BMPR1B: variants seen among roughly 807,000 people sequenced by gnomAD.
The protein encoded by BMPR1B is bone morphogenetic protein receptor type 1B.
BMPR1B carries 12 observed loss-of-function variants against 59.1 expected under a neutral mutation model. The observed-to-expected ratio is 0.20, with a 90% CI of 0.13 to 0.33. The LOEUF is 0.33. Ranked by LOEUF, BMPR1B falls within the 10% of genes least tolerant of loss-of-function variation. BMPR1B has a pLI of 1.00. For missense variants in BMPR1B, 550 were observed against 610.9 expected (o/e 0.90, Z 1.05); for synonymous variants, 237 against 207.3 (o/e 1.14, Z -1.23).
intron 6 of BMPR1B, among the ~76,000 whole-genome samples, chr4:95,120,739 GTC>G (rs1560669578): frequency 1.5e-5 from 2 of 135,924 alleles, no homozygotes; most frequent in African/African-American, 2.8e-5. Flanking sequence ...CTTTCTGTCT[GTC>G]TCTCTCTTTC....
intron 2 of BMPR1B, among the ~76,000 whole-genome samples, chr4:94,900,368 A>G (rs1426845144): frequency 6.6e-6 from 1 of 151,950 alleles, no homozygotes; most frequent in Admixed American, 6.6e-5. Context: ...CCTAACAGAA[A>G]TAAGTTTTAA....
At chr4:94,780,862 G>A (rs1057107131) in intron 1 of BMPR1B, among the ~76,000 whole-genome samples, 1 of 151,586 alleles carries the variant, frequency 6.6e-6, no homozygotes, top group Non-Finnish European at 1.5e-5. Context: ...CTAATTTTTT[G>A]TATTTTTAGT....
chr4:94,812,181 C>T (rs77338236), intron 1 of BMPR1B, among the ~76,000 whole-genome samples: 2,552 of 148,414 alleles, frequency 0.017, 66 homozygotes, highest in African/African-American at 0.062. Flanking sequence ...ACCTAGTCCT[C>T]CAAAATTTAA....
At chr4:95,005,467 C>T (rs139114362) in intron 3 of BMPR1B, among the ~76,000 whole-genome samples, 38 of 152,240 alleles carry the variant, frequency 2.5e-4, no homozygotes, top group Admixed American at 2.1e-3. Flanking sequence ...GGCAGTTCAA[C>T]AAACAGGCTG....
At chr4:94,791,464 A>G (rs1451950331) in intron 1 of BMPR1B, among the ~76,000 whole-genome samples, 2 of 152,218 alleles carry the variant, frequency 1.3e-5, no homozygotes, top group African/African-American at 4.8e-5. Flanking sequence ...ACATAAGGAA[A>G]AGTTATGTCT....
intron 3 of BMPR1B, among the ~76,000 whole-genome samples, chr4:95,007,116 C>G (rs1722900226): frequency 6.6e-6 from 1 of 152,008 alleles, no homozygotes. Context: ...TGTAACTCTA[C>G]CAGGGTTTCT....
At chr4:95,118,686 A>G (rs1732249914) in intron 6 of BMPR1B, among the ~76,000 whole-genome samples, 1 of 152,182 alleles carries the variant, frequency 6.6e-6, no homozygotes, top group South Asian at 2.1e-4. Context: ...TTTTCCTGAT[A>G]GGTATCTGGA....
At chr4:95,111,155 A>G (rs1731605877) in intron 4 of BMPR1B, among the ~76,000 whole-genome samples, 1 of 152,140 alleles carries the variant, frequency 6.6e-6, no homozygotes, top group Non-Finnish European at 1.5e-5. Context: ...AACTGAGCAG[A>G]TAGATACCCA....
chr4:95,001,564 T>C (rs2149109825), intron 3 of BMPR1B, among the ~76,000 whole-genome samples: 1 of 152,340 alleles, frequency 6.6e-6, no homozygotes. Flanking sequence ...AAAACAAGTT[T>C]CATGCTTAGA....
At chr4:94,827,114 C>T (rs896473076) in intron 1 of BMPR1B, among the ~76,000 whole-genome samples, 8 of 151,990 alleles carry the variant, frequency 5.3e-5, no homozygotes, top group Non-Finnish European at 8.8e-5. Flanking sequence ...ATGTAATAAG[C>T]GTTCCCTTTT....
chr4:95,026,700 C>T (rs925385038), intron 3 of BMPR1B, among the ~76,000 whole-genome samples: 1 of 137,922 alleles, frequency 7.3e-6, no homozygotes, highest in African/African-American at 2.7e-5. Flanking sequence ...CCCTCCCCTC[C>T]CCTCCCCTGT....
chr4:94,906,093 C>G (rs1441894673), intron 2 of BMPR1B, among the ~76,000 whole-genome samples: 2 of 146,818 alleles, frequency 1.4e-5, no homozygotes, highest in Non-Finnish European at 3.1e-5. Flanking sequence ...CAAGATTTTT[C>G]TTCTGTGAAT....
At chr4:95,126,577 G>A (rs936098009) in intron 8 of BMPR1B, among the ~76,000 whole-genome samples, 1 of 152,164 alleles carries the variant, frequency 6.6e-6, no homozygotes, top group East Asian at 1.9e-4. Context: ...AGGTCAGCTA[G>A]CTAGTACGTG....
chr4:94,794,340 G>A lies in BMPR1B; in HGVS notation c.-183+36272G>A, dbSNP rs560315242. Among the ~76,000 whole-genome samples, 566 of 151,640 alleles carry A rather than the reference G, an allele frequency of 3.7e-3. 2 individuals carry two copies. The highest frequency in any genetic ancestry group is 0.012 in the African/African-American group (483 of 41,188). On this transcript the variant is annotated intron_variant, in intron 1 of 12. Coordinates refer to ENST00000515059, the MANE Select transcript of BMPR1B (RefSeq NM_001203.3). ...GATCAGATAGCTGCAGATATGTGGC[G>A]TTATTTCTGAGGGCTCTGTTCTGTT... is the stretch of plus-strand genomic sequence containing the variant.
rs554582822 is a variant in BMPR1B, at chr4:95,039,793, T to C, written c.-18+43659T>C. Among the ~76,000 whole-genome samples, 7 of 152,224 alleles carry C rather than the reference T, an allele frequency of 4.6e-5. No individual in the cohort carries two copies. The South Asian group carries it at 1.5e-3, about 32-fold the overall frequency. ...AATTTTTTTTAGCTCATCAGTGTAGTGTGTAGTGTAGTGTATTTTCTATTT... is the reference window on the plus strand; with the variant it reads ...AATTTTTTTTAGCTCATCAGTGTAGCGTGTAGTGTAGTGTATTTTCTATTT... On this transcript the variant is annotated intron_variant, in intron 3 of 12. Coordinates refer to ENST00000515059, the MANE Select transcript of BMPR1B (RefSeq NM_001203.3).
chr4:94,985,558 T>TGTGTGTGTG, intron 2 of BMPR1B, among the ~76,000 whole-genome samples: 1 of 136,344 alleles, frequency 7.3e-6, no homozygotes, highest in African/African-American at 2.8e-5. Context: ...TGTGTGTGTG[T>TGTGTGTGTG]TGGCCATTGT....
At chr4:95,043,833 A>G (rs1265048189) in intron 3 of BMPR1B, among the ~76,000 whole-genome samples, 3 of 152,002 alleles carry the variant, frequency 2.0e-5, no homozygotes, top group Non-Finnish European at 4.4e-5. Flanking sequence ...AGAAGCCTGT[A>G]TCAGAAGATA....
chr4:95,051,908 G>T (rs1726533617), intron 3 of BMPR1B: 1 of 738,672 alleles, frequency 1.4e-6, no homozygotes, highest in East Asian at 3.0e-5. Context: ...TTCTCCAACT[G>T]CCCTGTAATT....
intron 1 of BMPR1B, among the ~76,000 whole-genome samples, chr4:94,801,695 C>T (rs530432507): frequency 2.0e-5 from 3 of 152,272 alleles, no homozygotes; most frequent in African/African-American, 7.2e-5. Context: ...ATAACAGTTA[C>T]TGGAACTTGA....
Sources: gnomAD v4.1 joint callset for allele counts (sites outside exome capture counted in the v4.1 genomes callset) on GRCh38, gnomAD v4.1.1 for gene constraint, MANE v1.5 for transcripts, NCBI Gene and HGNC (gene_info 2026-07-23, HGNC 2026-07-21) for gene names.